Variants in ERC1 observed in about 807,000 individuals in gnomAD.
The protein encoded by ERC1 is RAB6 interacting protein 2.
A neutral mutation model predicts 132.0 loss-of-function variants in ERC1; 56 were observed. The observed-to-expected ratio is 0.42, with a 90% CI of 0.34 to 0.53. The LOEUF (loss-of-function observed/expected upper bound fraction) is 0.53. ERC1 is among the 20% of genes least tolerant of loss of function. The probability of loss-of-function intolerance (pLI) is 0.03; values close to 1 mark genes in which losing one functional copy is unlikely to be tolerated. For synonymous variants in ERC1, 478 were observed against 476.1 expected (o/e 1.00, Z -0.05); for missense variants, 1,202 against 1,349.9 (o/e 0.89, Z 1.72).
At chr12:1,440,735 C>T (rs961944391) in intron 17 of ERC1, among the ~76,000 whole-genome samples, 1 of 150,432 alleles carries the variant, frequency 6.6e-6, no homozygotes, top group African/African-American at 2.5e-5. Flanking sequence ...GCAACCTCCA[C>T]CTCCCAGGTT....
intron 7 of ERC1, among the ~76,000 whole-genome samples, chr12:1,131,755 C>T (rs1233433010): frequency 1.3e-5 from 2 of 152,256 alleles, no homozygotes; most frequent in Non-Finnish European, 2.9e-5. Context: ...TGAGCCACCG[C>T]GCCCAGCCAG....
In ERC1 at chr12:1,083,477, A is replaced by G; in HGVS notation, c.983A>G (p.Glu328Gly). Residue 328 changes from glutamate (E) to glycine (G), a missense_variant, in exon 3 of 19, where the codon GAA becomes GGA. Transcript: ENST00000360905. Reference protein sequence around the residue: ...SKGLSAKATEEDHERTRRLAE... With the variant: ...SKGLSAKATEGDHERTRRLAE... ...GGACTTTCTGCCAAGGCTACCGAGG[A>G]AGACCATGAGAGAACAAGACGACTG... 6.2e-7 allele frequency: 1 copy of G among 1,614,214 alleles called. No homozygotes were observed. Among genetic ancestry groups the G allele is most frequent in the Non-Finnish European group, 8.5e-7 (1 of 1,180,028 alleles).
In ERC1 at chr12:1,028,142, T is replaced by G; in HGVS notation, c.239T>G (p.Val80Gly). Reference protein sequence around the residue: ...GPMYLSDHENVGSETPKSTMT... With the variant: ...GPMYLSDHENGGSETPKSTMT... ...ATGTATCTAAGTGACCATGAAAATG[T>G]GGGTTCAGAAACACCTAAAAGCACC... Residue 80 changes from valine (V) to glycine (G), a missense_variant, in exon 2 of 19, where the codon GTG becomes GGG. Val to Gly is a moderately radical substitution (Grantham distance 109). Transcript: ENST00000360905. 6.2e-7 allele frequency: 1 copy of G among 1,614,190 alleles called. No homozygotes were observed. Among genetic ancestry groups the G allele is most frequent in the Non-Finnish European group, 8.5e-7 (1 of 1,180,024 alleles).
At chr12:1,004,316 C>T (rs891630838) in intron 1 of ERC1, among the ~76,000 whole-genome samples, 5 of 152,036 alleles carry the variant, frequency 3.3e-5, no homozygotes, top group South Asian at 2.1e-4. Context: ...TGCTTCCCCC[C>T]CTTTCAACCC....
chr12:1,213,976 G>A (rs577854513), intron 12 of ERC1, among the ~76,000 whole-genome samples: 1 of 152,162 alleles, frequency 6.6e-6, no homozygotes, highest in South Asian at 2.1e-4. Context: ...GAATGCCAGG[G>A]TACTTACATC....
At chr12:1,310,585 T>TG (rs906825082) in intron 15 of ERC1, among the ~76,000 whole-genome samples, 1 of 152,202 alleles carries the variant, frequency 6.6e-6, no homozygotes, top group Non-Finnish European at 1.5e-5. Flanking sequence ...CTAAAACATT[T>TG]GGGAAATTAG....
At chr12:1,334,235 A>G (rs1203872017) in intron 15 of ERC1, among the ~76,000 whole-genome samples, 3 of 152,224 alleles carry the variant, frequency 2.0e-5, no homozygotes, top group Non-Finnish European at 4.4e-5. Context: ...TCTCTAGTTT[A>G]CATAGATCCT....
chr12:1,408,217 TCAAA>T lies in ERC1; in HGVS notation c.2999_3002del (p.Thr1000IlefsTer14). ...ACCACTTCAAATCCTCCCATTCCAA[TCAAA>T]CAAATCACAAGCCCTCCCCAGACCA... On this transcript the variant is annotated frameshift_variant, in exon 17 of 19. Coordinates refer to ENST00000360905, the MANE Select transcript of ERC1 (RefSeq NM_178040.4). LOFTEE classifies it high-confidence loss of function. The T allele has an allele frequency of 3.1e-6, 5 of 1,613,894 alleles. No homozygotes were observed. Among genetic ancestry groups the T allele is most frequent in the Non-Finnish European group, 4.2e-6 (5 of 1,179,918 alleles).
At chr12:1,196,029 A>G (rs991578551) in intron 12 of ERC1, among the ~76,000 whole-genome samples, 1 of 152,124 alleles carries the variant, frequency 6.6e-6, no homozygotes, top group East Asian at 1.9e-4. Context: ...TACCTTCCAA[A>G]TCAAAAAATA....
intron 16 of ERC1, among the ~76,000 whole-genome samples, chr12:1,379,066 AT>A (rs2088296097): frequency 6.6e-6 from 1 of 152,216 alleles, no homozygotes; most frequent in African/African-American, 2.4e-5. Context: ...CACATAGGGA[AT>A]TTTTAAAATA....
At chr12:1,133,992 G>T (rs936115973) in intron 7 of ERC1, among the ~76,000 whole-genome samples, 49 of 152,130 alleles carry the variant, frequency 3.2e-4, no homozygotes, top group African/African-American at 1.1e-3. Flanking sequence ...TGCTTGTCTG[G>T]TGAGTTTGGG....
At chr12:1,054,355 T>A (rs1260378839) in intron 2 of ERC1, among the ~76,000 whole-genome samples, 1 of 152,170 alleles carries the variant, frequency 6.6e-6, no homozygotes, top group African/African-American at 2.4e-5. Flanking sequence ...TTGCCCTTGT[T>A]TAGGAACTGT....
chr12:1,416,620 T>G (rs1245335051), intron 17 of ERC1, among the ~76,000 whole-genome samples: 1 of 152,356 alleles, frequency 6.6e-6, no homozygotes, highest in East Asian at 1.9e-4. Context: ...CCTTTGGACG[T>G]TGTCTGAATC....
intron 18 of ERC1, among the ~76,000 whole-genome samples, chr12:1,476,838 T>C (rs2093983880): frequency 6.6e-6 from 1 of 152,176 alleles, no homozygotes; most frequent in African/African-American, 2.4e-5. Context: ...TTTATAGTAA[T>C]GAAAACGAGA....
intron 1 of ERC1, among the ~76,000 whole-genome samples, chr12:1,004,883 T>A (rs1963274072): frequency 6.6e-6 from 1 of 150,794 alleles, no homozygotes; most frequent in South Asian, 2.1e-4. Flanking sequence ...TCATATAGAA[T>A]TCAGGTATAG....
intron 16 of ERC1, among the ~76,000 whole-genome samples, chr12:1,392,514 A>G (rs919764621): frequency 6.6e-6 from 1 of 152,178 alleles, no homozygotes; most frequent in Non-Finnish European, 1.5e-5. Context: ...TCACATATTT[A>G]CCTGTTTTGG....
intron 11 of ERC1, among the ~76,000 whole-genome samples, chr12:1,186,496 T>G (rs988839544): frequency 6.6e-6 from 1 of 152,216 alleles, no homozygotes; most frequent in Non-Finnish European, 1.5e-5. Context: ...TTAAGGAGGA[T>G]TATTCACTGT....
intron 14 of ERC1, among the ~76,000 whole-genome samples, chr12:1,280,886 G>A (rs1179798367): frequency 1.3e-5 from 2 of 152,142 alleles, no homozygotes; most frequent in African/African-American, 4.8e-5. Flanking sequence ...GGTCAAGTAA[G>A]TGTCATTTTA....
intron 16 of ERC1, among the ~76,000 whole-genome samples, chr12:1,405,191 T>C (rs905148721): frequency 1.5e-5 from 2 of 135,168 alleles, no homozygotes; most frequent in African/African-American, 5.9e-5. Context: ...ATAAATAAAA[T>C]AATATAAAAT....
Sources: allele counts gnomAD v4.1 joint callset (sites outside exome capture counted in the v4.1 genomes callset), GRCh38; gene constraint gnomAD v4.1.1; transcripts MANE v1.5; gene names NCBI Gene and HGNC (gene_info 2026-07-23, HGNC 2026-07-21).